The following ZNF138 variants were observed in gnomAD, a reference collection of about 807,000 sequenced individuals.
The protein encoded by ZNF138 is zinc finger protein 138, also known as zinc finger protein 138 (clone pHZ-32).
A neutral mutation model predicts 33.0 loss-of-function variants in ZNF138; 33 were observed. The observed-to-expected ratio is 1.00, with a 90% CI of 0.76 to 1.34. The LOEUF (loss-of-function observed/expected upper bound fraction) is 1.34, where lower values mean the gene tolerates loss of function less well. ZNF138 is among the 40% of genes most tolerant of loss of function. The pLI, the probability that ZNF138 is intolerant of heterozygous loss-of-function variation, is 0.00. For missense variants in ZNF138, 360 were observed against 370.8 expected (o/e 0.97, Z 0.24); for synonymous variants, 139 against 120.4 (o/e 1.15, Z -1.01).
the ZNF138 span, among the ~76,000 whole-genome samples, chr7:64,854,745 G>A: frequency 7.2e-5 from 11 of 152,084 alleles, no homozygotes; most frequent in Admixed American, 3.9e-4. Context: ...TTTAGACTTC[G>A]GTCTATCGTT....
the ZNF138 span, among the ~76,000 whole-genome samples, chr7:64,860,451 T>C: frequency 0.47 from 71,315 of 152,024 alleles, 16,934 homozygotes; most frequent in Middle Eastern, 0.52. Context: ...CAGCCTCTGT[T>C]ACGTTTTTAC....
At chr7:64,833,966 T>C (rs1790289475), downstream of ZNF138, among the ~76,000 whole-genome samples, 4 of 152,196 alleles carry the variant, frequency 2.6e-5, no homozygotes, top group South Asian at 8.3e-4. Context: ...CTTGAAATGA[T>C]CCATACACCT....
the ZNF138 span, among the ~76,000 whole-genome samples, chr7:64,838,882 A>G: frequency 7.2e-6 from 1 of 138,428 alleles, no homozygotes; most frequent in Non-Finnish European, 1.6e-5. Flanking sequence ...CAGAGAAAAA[A>G]GGAAGTAAGA....
At chr7:64,820,019 G>C (rs1788985291) in intron 3 of ZNF138, among the ~76,000 whole-genome samples, 1 of 32,764 alleles carries the variant, frequency 3.1e-5, no homozygotes, top group Non-Finnish European at 5.4e-5. Context: ...GCTATAGTGA[G>C]TGATAATTGT....
intron 1 of ZNF138, among the ~76,000 whole-genome samples, chr7:64,807,092 C>G (rs1198358052): frequency 6.6e-6 from 1 of 152,256 alleles, no homozygotes; most frequent in Non-Finnish European, 1.5e-5. Flanking sequence ...AGGACATGCT[C>G]CTGCTGCAGA....
downstream of ZNF138, among the ~76,000 whole-genome samples, chr7:64,838,476 A>G (rs1060405): frequency 1.3e-5 from 2 of 151,980 alleles, no homozygotes; most frequent in South Asian, 2.1e-4. Context: ...TCGTACCTCT[A>G]CCTCTCCTGC....
At chr7:64,839,031 G>A in the ZNF138 span, among the ~76,000 whole-genome samples, 8 of 152,268 alleles carry the variant, frequency 5.3e-5, no homozygotes, top group South Asian at 1.5e-3. Flanking sequence ...TAGCCAGAGG[G>A]ACTTGTGCCA....
intron 1 of ZNF138, among the ~76,000 whole-genome samples, 174 bp from the exon 2 acceptor site, chr7:64,814,742 AAC>A (rs1305450398): frequency 1.5e-4 from 23 of 151,690 alleles, no homozygotes; most frequent in African/African-American, 5.5e-4. Context: ...CAGCGTGGGC[AAC>A]AGAGTGAGAC....
At chr7:64,847,305 T>C in the ZNF138 span, among the ~76,000 whole-genome samples, 3 of 133,478 alleles carry the variant, frequency 2.2e-5, no homozygotes, top group Non-Finnish European at 4.7e-5. Flanking sequence ...AAACCCCATC[T>C]CTTCTAATAC....
intron 1 of ZNF138, among the ~76,000 whole-genome samples, chr7:64,795,550 T>TAA (rs1562880575): frequency 6.6e-6 from 1 of 152,220 alleles, no homozygotes; most frequent in Non-Finnish European, 1.5e-5. Flanking sequence ...AATACTGTAT[T>TAA]TTAATTAATC....
chr7:64,807,040 G>C (rs1178463481), intron 1 of ZNF138, among the ~76,000 whole-genome samples: 15 of 152,246 alleles, frequency 9.9e-5, no homozygotes, highest in Non-Finnish European at 2.9e-5. Flanking sequence ...ACTTAAAGGT[G>C]TTCTTAAACC....
chr7:64,830,835 T>G, intron 3 of ZNF138: 2 of 1,260,382 alleles, frequency 1.6e-6, no homozygotes, highest in Non-Finnish European at 2.1e-6. Flanking sequence ...GACATGTTCT[T>G]AGGATGTGTC....
chr7:64,859,778 T>TA, the ZNF138 span, among the ~76,000 whole-genome samples: 2 of 152,240 alleles, frequency 1.3e-5, no homozygotes, highest in Admixed American at 1.3e-4. Context: ...CAATAAATTA[T>TA]ACTTGTCTCT....
At chr7:64,825,918 C>T (rs1167733247) in intron 3 of ZNF138, among the ~76,000 whole-genome samples, 2 of 152,118 alleles carry the variant, frequency 1.3e-5, no homozygotes, top group Non-Finnish European at 2.9e-5. Context: ...TCACTGCAGC[C>T]TCAAACTCCC....
At chr7:64,830,111 CT>C (rs1789963326) in intron 3 of ZNF138, among the ~76,000 whole-genome samples, 2 of 152,084 alleles carry the variant, frequency 1.3e-5, no homozygotes, top group Admixed American at 1.3e-4. Context: ...GCCTGCAAAA[CT>C]TTCATGAAAA....
chr7:64,849,466 T>C, the ZNF138 span, among the ~76,000 whole-genome samples: 1 of 152,080 alleles, frequency 6.6e-6, no homozygotes, highest in Non-Finnish European at 1.5e-5. Context: ...TGTGGTAGTA[T>C]AGGGAGAATC....
At chr7:64,804,679 G>A (rs1249142449) in intron 1 of ZNF138, among the ~76,000 whole-genome samples, 1 of 152,174 alleles carries the variant, frequency 6.6e-6, no homozygotes, top group Non-Finnish European at 1.5e-5. Context: ...TACTCCAGAG[G>A]CTGAGGCACA....
At chr7:64,852,376 C>G in the ZNF138 span, 1 of 1,431,860 alleles carries the variant, frequency 7.0e-7, no homozygotes. Flanking sequence ...CAAAACCAAA[C>G]AGCTATTTCT....
chr7:64,806,575 G>A (rs1787615972), intron 1 of ZNF138, among the ~76,000 whole-genome samples: 1 of 17,500 alleles, frequency 5.7e-5, no homozygotes, highest in South Asian at 6.6e-3. Flanking sequence ...TGAGATTTGG[G>A]GAAAACAAAC....
Sources: allele counts gnomAD v4.1 joint callset (sites outside exome capture counted in the v4.1 genomes callset), GRCh38; gene constraint gnomAD v4.1.1; transcripts MANE v1.5; gene names NCBI Gene and HGNC (gene_info 2026-07-23, HGNC 2026-07-21).